CDH13: variants seen among roughly 807,000 people sequenced by gnomAD.
CDH13 encodes cadherin-13.
Under a neutral mutation model 63.8 loss-of-function variants are expected in CDH13, and 24 were observed. The ratio of observed to expected loss-of-function variants is 0.38; its 90% CI spans 0.27 to 0.53. CDH13 has a LOEUF of 0.53. Ranked by LOEUF, CDH13 falls within the 20% of genes least tolerant of loss-of-function variation. The probability of loss-of-function intolerance (pLI) is 0.85; values close to 1 mark genes in which losing one functional copy is unlikely to be tolerated. For missense variants in CDH13, 1,049 were observed against 903.1 expected (o/e 1.16, Z -2.07); for synonymous variants, 503 against 355.3 (o/e 1.42, Z -4.67).
rs75973543 is a variant in CDH13, at chr16:83,420,533, G to A, written c.782-65944G>A. Among the ~76,000 whole-genome samples, 1,171 of 152,324 alleles carry A rather than the reference G, an allele frequency of 7.7e-3. 10 individuals are homozygous for A. The highest frequency in any genetic ancestry group is 0.012 in the Non-Finnish European group (804 of 68,028). Reference sequence around the variant, plus strand: ...CACAAGCATTCTCATGTGATAATGTGTGCACATGACAGCATCTTTTACGTA... The same window carrying A: ...CACAAGCATTCTCATGTGATAATGTATGCACATGACAGCATCTTTTACGTA... On this transcript the variant is annotated intron_variant, in intron 6 of 13. Transcript: ENST00000567109.
chr16:82,800,602 G>A (rs1419232312), intron 1 of CDH13, among the ~76,000 whole-genome samples: 2 of 152,128 alleles, frequency 1.3e-5, no homozygotes, highest in Non-Finnish European at 2.9e-5. Context: ...TAATTTTCAG[G>A]TAATTCTTCT....
At chr16:82,914,471 T>G (rs1360585993) in intron 2 of CDH13, among the ~76,000 whole-genome samples, 4 of 152,244 alleles carry the variant, frequency 2.6e-5, no homozygotes. Flanking sequence ...TTTTTTCACC[T>G]TGACTGACTG....
intron 7 of CDH13, among the ~76,000 whole-genome samples, chr16:83,529,280 A>C (rs1287980642): frequency 6.6e-6 from 1 of 152,162 alleles, no homozygotes; most frequent in Non-Finnish European, 1.5e-5. Flanking sequence ...ATTGGATGAC[A>C]TATATTAAAC....
At chr16:83,453,486 A>G (rs1261377022) in intron 6 of CDH13, among the ~76,000 whole-genome samples, 1 of 152,220 alleles carries the variant, frequency 6.6e-6, no homozygotes, top group Non-Finnish European at 1.5e-5. Context: ...AAAAGCACTT[A>G]GCATCGTGTC....
rs2151007916 is a variant in CDH13 at position 83,779,989 on chromosome 16, C to G, written c.1703C>G (p.Thr568Ser). 5 of 1,611,632 alleles carry G rather than the reference C, an allele frequency of 3.1e-6. No individual in the cohort carries two copies. Among genetic ancestry groups the G allele is most frequent in the Non-Finnish European group, 4.2e-6 (5 of 1,177,818 alleles). Residue 568 changes from threonine to serine, a missense_variant, in exon 12 of 14, where the codon ACT (threonine) becomes AGT (serine). Coordinates refer to ENST00000567109, the MANE Select transcript of CDH13 (RefSeq NM_001257.5). ...ACAGGCAACCCTCCCGCTACGGGCACTGGGACTTTGCTGATAACCCTGGAG... is the reference window on the plus strand; with the variant it reads ...ACAGGCAACCCTCCCGCTACGGGCAGTGGGACTTTGCTGATAACCCTGGAG... ...IDSGNPPATG[T>S]GTLLITLEDV...
chr16:83,295,949 G>A (rs891702926), intron 5 of CDH13, among the ~76,000 whole-genome samples: 5 of 152,138 alleles, frequency 3.3e-5, no homozygotes, highest in South Asian at 2.1e-4. Context: ...TGGATCAATG[G>A]ATAAACTATT....
intron 10 of CDH13, among the ~76,000 whole-genome samples, chr16:83,689,442 C>G (rs1401632325): frequency 3.9e-5 from 6 of 152,214 alleles, no homozygotes; most frequent in African/African-American, 1.2e-4. Context: ...CTATCAATCA[C>G]TAACACCAGT....
intron 9 of CDH13, among the ~76,000 whole-genome samples, chr16:83,675,392 C>T (rs1357495153): frequency 6.6e-6 from 1 of 152,186 alleles, no homozygotes; most frequent in Non-Finnish European, 1.5e-5. Flanking sequence ...CATTGTATGG[C>T]TCCCTCCCTC....
chr16:83,513,507 C>G (rs79655256), intron 7 of CDH13, among the ~76,000 whole-genome samples: 2,090 of 152,258 alleles, frequency 0.014, 46 homozygotes, highest in African/African-American at 0.048. Flanking sequence ...TTAATTGACT[C>G]ACACACAGTT....
At chr16:83,769,338 G>A (rs931208064) in intron 11 of CDH13, among the ~76,000 whole-genome samples, 2 of 152,176 alleles carry the variant, frequency 1.3e-5, no homozygotes, top group African/African-American at 4.8e-5. Context: ...CTAGGGGAAC[G>A]GTGGGGAAGC....
At chr16:83,699,088 A>G (rs1231794722) in intron 10 of CDH13, among the ~76,000 whole-genome samples, 1 of 152,238 alleles carries the variant, frequency 6.6e-6, no homozygotes, top group Non-Finnish European at 1.5e-5. Context: ...CATCTTGTGT[A>G]GTGCCTGCCC....
At chr16:82,739,455 A>G (rs889703913) in intron 1 of CDH13, among the ~76,000 whole-genome samples, 2 of 152,188 alleles carry the variant, frequency 1.3e-5, no homozygotes, top group Non-Finnish European at 1.5e-5. Context: ...AATATGCTTT[A>G]GTTGTCTTGG....
At chr16:83,057,396 G>C (rs571487371) in intron 3 of CDH13, among the ~76,000 whole-genome samples, 17 of 152,250 alleles carry the variant, frequency 1.1e-4, no homozygotes, top group African/African-American at 3.9e-4. Flanking sequence ...CATCTTTATG[G>C]TGGTGACATA....
At chr16:82,975,832 C>T (rs955918368) in intron 2 of CDH13, among the ~76,000 whole-genome samples, 3 of 152,122 alleles carry the variant, frequency 2.0e-5, no homozygotes, top group Non-Finnish European at 4.4e-5. Flanking sequence ...CTTGTCTATA[C>T]CCCCATCCCT....
At chr16:83,092,514 C>A (rs2033968204) in intron 3 of CDH13, among the ~76,000 whole-genome samples, 1 of 152,204 alleles carries the variant, frequency 6.6e-6, no homozygotes. Context: ...CTTTTGAGCA[C>A]CAGGCTGATA....
intron 4 of CDH13, among the ~76,000 whole-genome samples, chr16:83,130,296 C>G (rs1036508864): frequency 6.6e-6 from 1 of 152,188 alleles, no homozygotes; most frequent in African/African-American, 2.4e-5. Context: ...CGTAACCTGT[C>G]CAAAGCCACA....
At chr16:82,923,791 C>G (rs994684465) in intron 2 of CDH13, among the ~76,000 whole-genome samples, 2 of 152,116 alleles carry the variant, frequency 1.3e-5, no homozygotes, top group African/African-American at 2.4e-5. Context: ...GTCTATGATA[C>G]AGAAAATCGT....
At chr16:83,260,055 A>G (rs1302470339) in intron 5 of CDH13, among the ~76,000 whole-genome samples, 2 of 112,972 alleles carry the variant, frequency 1.8e-5, no homozygotes, top group Non-Finnish European at 1.8e-5. Flanking sequence ...AGGTTCTCAC[A>G]GTATATAATA....
chr16:82,970,094 T>C (rs1302845723), intron 2 of CDH13, among the ~76,000 whole-genome samples: 1 of 152,120 alleles, frequency 6.6e-6, no homozygotes, highest in Non-Finnish European at 1.5e-5. Context: ...CCTAGACCCC[T>C]ACCCATCGAC....
Sources: gnomAD v4.1 joint callset for allele counts (sites outside exome capture counted in the v4.1 genomes callset) on GRCh38, gnomAD v4.1.1 for gene constraint, MANE v1.5 for transcripts, NCBI Gene and HGNC (gene_info 2026-07-23, HGNC 2026-07-21) for gene names.